The following DPH6 variants were observed in gnomAD, a reference collection of about 807,000 sequenced individuals.
The protein encoded by DPH6 is diphthamine biosynthesis 6, also known as diphthine--ammonia ligase.
Under a neutral mutation model 38.2 loss-of-function variants are expected in DPH6, and 33 were observed. That is an observed-to-expected ratio of 0.86 (90% CI 0.65 to 1.15). The LOEUF (loss-of-function observed/expected upper bound fraction) is 1.15, where lower values mean the gene tolerates loss of function less well. Ranked by LOEUF, DPH6 falls within the 50% of genes most tolerant of loss-of-function variation. The pLI is 0.00. For synonymous variants in DPH6, 108 were observed against 103.0 expected (o/e 1.05, Z -0.30); for missense variants, 325 against 320.0 (o/e 1.02, Z -0.12).
At chr15:35,314,599 G>C (rs7172919) in intron 3 of DPH6, among the ~76,000 whole-genome samples, 3,854 of 152,178 alleles carry the variant, frequency 0.025, 154 homozygotes, top group African/African-American at 0.089. Flanking sequence ...CCAGCCGTCG[G>C]AAGTTGACAA....
intron 3 of DPH6, among the ~76,000 whole-genome samples, chr15:35,505,744 G>T (rs1400769067): frequency 6.6e-6 from 1 of 152,068 alleles, no homozygotes; most frequent in Non-Finnish European, 1.5e-5. Flanking sequence ...TATTGCTGTT[G>T]TAGACTAAAC....
chr15:35,290,180 G>GT (rs1449730562), intron 3 of DPH6, among the ~76,000 whole-genome samples: 3 of 152,214 alleles, frequency 2.0e-5, no homozygotes, highest in African/African-American at 7.2e-5. Flanking sequence ...TTGGTTTAAT[G>GT]TTTTAGTGAG....
chr15:35,421,953 A>G (rs2053510674), intron 5 of DPH6, among the ~76,000 whole-genome samples: 1 of 152,074 alleles, frequency 6.6e-6, no homozygotes, highest in Non-Finnish European at 1.5e-5. Flanking sequence ...ACAAAGCATT[A>G]GTATAGAAGA....
At chr15:35,315,716 A>C (rs2052182830) in intron 3 of DPH6, among the ~76,000 whole-genome samples, 1 of 152,228 alleles carries the variant, frequency 6.6e-6, no homozygotes, top group Non-Finnish European at 1.5e-5. Flanking sequence ...GGAAATCAAT[A>C]TGTTAAAGAG....
intron 3 of DPH6, among the ~76,000 whole-genome samples, chr15:35,257,220 T>G (rs562138971): frequency 1.3e-5 from 2 of 152,306 alleles, no homozygotes; most frequent in African/African-American, 4.8e-5. Context: ...TAGTTTTTTG[T>G]GTTTATGTAA....
rs116687845 is a variant in DPH6 at position 35,354,825 on chromosome 15, A to T, written n.207+18696T>A. On this transcript the variant is annotated intron_variant and non_coding_transcript_variant, in intron 3 of 3. Transcript: ENST00000558973. ...TAAGTTAGGGAGGATTTCCTAACTT[A>T]TTCCTGGATATCCTTGTTAACTTTC... Among the ~76,000 whole-genome samples the T allele has an allele frequency of 5.5e-3, 837 of 151,980 alleles. 10 individuals carry two copies. Among genetic ancestry groups the T allele is most frequent in the African/African-American group, 0.019 (770 of 41,516 alleles).
intron 3 of DPH6, among the ~76,000 whole-genome samples, chr15:35,272,735 C>A (rs895045073): frequency 6.6e-6 from 1 of 151,942 alleles, no homozygotes; most frequent in African/African-American, 2.4e-5. Context: ...ATGGTGAAAC[C>A]CATCTCTACC....
chr15:35,186,098 G>A, the DPH6 span, among the ~76,000 whole-genome samples: 45 of 152,128 alleles, frequency 3.0e-4, no homozygotes, highest in East Asian at 2.3e-3. Context: ...CTCACCAGTC[G>A]GAAGCAGAGT....
chr15:35,464,546 T>A (rs943887642), intron 3 of DPH6, among the ~76,000 whole-genome samples: 1 of 152,162 alleles, frequency 6.6e-6, no homozygotes, highest in Non-Finnish European at 1.5e-5. Context: ...GTATAAAATC[T>A]GACAAATATT....
chr15:35,488,643 T>G (rs2054436168), intron 3 of DPH6, among the ~76,000 whole-genome samples: 1 of 152,092 alleles, frequency 6.6e-6, no homozygotes, highest in Non-Finnish European at 1.5e-5. Flanking sequence ...GGGATTACAA[T>G]TTGAGATGAG....
At chr15:35,165,272 T>C in the DPH6 span, among the ~76,000 whole-genome samples, 3 of 151,894 alleles carry the variant, frequency 2.0e-5, no homozygotes, top group Admixed American at 6.6e-5. Context: ...CAATAAATAT[T>C]TGTCAGATTG....
intron 8 of DPH6, among the ~76,000 whole-genome samples, chr15:35,372,723 A>C (rs1186609326): frequency 6.6e-6 from 1 of 151,832 alleles, no homozygotes; most frequent in Non-Finnish European, 1.5e-5. Context: ...TTTTGGCATT[A>C]CCACTCTTTT....
Position 35,242,483 on chromosome 15 carries a change from C to A in DPH6, n.201-21901G>T, listed in dbSNP as rs562756801. Among the ~76,000 whole-genome samples, 312 of 143,682 alleles carry A rather than the reference C, an allele frequency of 2.2e-3. 43 individuals carry two copies. Among genetic ancestry groups the A allele is most frequent in the African/African-American group, 7.3e-3 (289 of 39,722 alleles). 94.3% of individuals were successfully genotyped at this position (143,682 alleles called of 152,430 possible). A position where few individuals can be genotyped will look rare whatever the true frequency, so the allele number is the denominator to read the frequency against. ...CCTACAAGGTCTGAGAAGGCCACGG[C>A]AGTCAGTTCTTCCCTTCTGTCAGAC... On this transcript the variant is annotated intron_variant and non_coding_transcript_variant, in intron 3 of 3. Transcript: ENST00000560386.
rs144944393 is a variant in DPH6 at position 35,300,842 on chromosome 15, T to C, written n.200+72679A>G. Among the ~76,000 whole-genome samples the C allele has an allele frequency of 1.4e-3, 217 of 152,302 alleles. 4 individuals carry two copies. The highest frequency in any genetic ancestry group is 4.8e-3 in the African/African-American group (200 of 41,582). On this transcript the variant is annotated intron_variant and non_coding_transcript_variant, in intron 3 of 3. Transcript: ENST00000560386. Reference sequence around the variant, plus strand: ...GCCCCTGTAAGCTTACAGGCACACATGGCATCATCATTATGATGAGTCCTG... The same window carrying C: ...GCCCCTGTAAGCTTACAGGCACACACGGCATCATCATTATGATGAGTCCTG...
intron 3 of DPH6, among the ~76,000 whole-genome samples, chr15:35,291,899 C>T (rs1286081609): frequency 1.3e-5 from 2 of 152,082 alleles, no homozygotes; most frequent in African/African-American, 4.8e-5. Flanking sequence ...CTATTTCATA[C>T]ACCACTGTTC....
intron 5 of DPH6, among the ~76,000 whole-genome samples, chr15:35,442,144 G>T (rs1312756938): frequency 2.0e-5 from 3 of 151,324 alleles, no homozygotes; most frequent in Admixed American, 2.0e-4. Flanking sequence ...TTTGATAAGA[G>T]ACTTATACTC....
At chr15:35,517,756 A>G (rs549595576) in intron 3 of DPH6, among the ~76,000 whole-genome samples, 1 of 152,116 alleles carries the variant, frequency 6.6e-6, no homozygotes, top group African/African-American at 2.4e-5. Context: ...AATTTACTGA[A>G]TATTGAGAAC....
intron 5 of DPH6, among the ~76,000 whole-genome samples, chr15:35,449,868 T>C (rs1194919071): frequency 6.6e-6 from 1 of 152,064 alleles, no homozygotes; most frequent in Non-Finnish European, 1.5e-5. Flanking sequence ...ATTTAAAAAC[T>C]GAATGTATCT....
At chr15:35,206,996 A>G in the DPH6 span, among the ~76,000 whole-genome samples, 1 of 151,498 alleles carries the variant, frequency 6.6e-6, no homozygotes, top group African/African-American at 2.4e-5. Flanking sequence ...GAGAAACACA[A>G]GATAATACTT....
Sources: allele counts gnomAD v4.1 joint callset (sites outside exome capture counted in the v4.1 genomes callset), GRCh38; gene constraint gnomAD v4.1.1; transcripts MANE v1.5; gene names NCBI Gene and HGNC (gene_info 2026-07-23, HGNC 2026-07-21).